The following TPRG1 variants were observed in gnomAD, a reference collection of about 807,000 sequenced individuals.
The protein encoded by TPRG1 is tumor protein p63-regulated gene 1 protein.
Under a neutral mutation model 29.3 loss-of-function variants are expected in TPRG1, and 29 were observed. The ratio of observed to expected loss-of-function variants is 0.99; its 90% CI spans 0.74 to 1.35. TPRG1 has a LOEUF of 1.35. Among genes scored for constraint, TPRG1 ranks in the 40% most tolerant of loss-of-function variants. TPRG1 has a pLI of 0.00. For missense variants in TPRG1, 327 were observed against 335.0 expected (o/e 0.98, Z 0.19); for synonymous variants, 130 against 116.8 (o/e 1.11, Z -0.73).
chr3:189,287,219 T>C (rs2109175874), intron 4 of TPRG1, among the ~76,000 whole-genome samples: 1 of 152,158 alleles, frequency 6.6e-6, no homozygotes, highest in Admixed American at 6.6e-5. Flanking sequence ...CAGTGACGCT[T>C]TGCCTTTTAC....
At chr3:189,115,968 C>CA (rs762214007) in intron 1 of TPRG1, among the ~76,000 whole-genome samples, 5 of 151,994 alleles carry the variant, frequency 3.3e-5, no homozygotes, top group South Asian at 4.2e-4. Flanking sequence ...TGGCTACTAT[C>CA]AAAAAAACAG....
At chr3:189,004,085 T>C (rs1386403183) in intron 2 of TPRG1, among the ~76,000 whole-genome samples, 1 of 152,058 alleles carries the variant, frequency 6.6e-6, no homozygotes, top group East Asian at 1.9e-4. Flanking sequence ...AAAGACAAAA[T>C]GTTTGGATGA....
intron 1 of TPRG1, among the ~76,000 whole-genome samples, chr3:189,118,400 A>G (rs1432318218): frequency 6.6e-6 from 1 of 152,216 alleles, no homozygotes; most frequent in Non-Finnish European, 1.5e-5. Context: ...TAGAAAAGAA[A>G]ACCCCATTTT....
At chr3:189,266,400 G>A (rs1714089995) in intron 4 of TPRG1, among the ~76,000 whole-genome samples, 1 of 152,172 alleles carries the variant, frequency 6.6e-6, no homozygotes. Flanking sequence ...ACTACAGTCT[G>A]TACTGTAAGT....
At chr3:189,090,374 A>C (rs1343973690) in intron 4 of TPRG1, among the ~76,000 whole-genome samples, 4 of 152,112 alleles carry the variant, frequency 2.6e-5, no homozygotes, top group African/African-American at 9.7e-5. Flanking sequence ...TTTTTGCTTC[A>C]TAGCAGGCTG....
At chr3:189,097,923 C>T (rs578122784), upstream of TPRG1, among the ~76,000 whole-genome samples, 11 of 152,298 alleles carry the variant, frequency 7.2e-5, no homozygotes, top group African/African-American at 2.2e-4. Flanking sequence ...CCCCCCTTTA[C>T]GTAGTCATCT....
chr3:189,078,097 CTT>C (rs61029218), intron 4 of TPRG1, among the ~76,000 whole-genome samples: 4,297 of 52,202 alleles, frequency 0.082, 228 homozygotes, highest in East Asian at 0.33. Context: ...TTCTCTCTTT[CTT>C]TCTTTCTTTC....
intron 3 of TPRG1, among the ~76,000 whole-genome samples, chr3:189,012,447 C>T (rs942517205): frequency 1.1e-4 from 17 of 152,096 alleles, no homozygotes; most frequent in African/African-American, 2.9e-4. Flanking sequence ...GTATGCTGAA[C>T]GAGTCTTGCA....
At chr3:189,250,743 TGTTTAAAAAAAAAAAAAAAAAAAAGCA>T (rs1742104437) in intron 4 of TPRG1, among the ~76,000 whole-genome samples, 1 of 124,322 alleles carries the variant, frequency 8.0e-6, no homozygotes. Context: ...CAAATTCCCT[TGTTTAAAAAAAAAAAAAAAAAAAAGCA>T]ATGATTTAAT....
At chr3:189,203,097 C>T (rs949772558) in intron 1 of TPRG1, among the ~76,000 whole-genome samples, 1 of 152,064 alleles carries the variant, frequency 6.6e-6, no homozygotes, top group African/African-American at 2.4e-5. Flanking sequence ...TAAACAATAA[C>T]TTTTAAGCTA....
intron 1 of TPRG1, among the ~76,000 whole-genome samples, chr3:189,178,446 T>C (rs1192164887): frequency 6.6e-6 from 1 of 152,178 alleles, no homozygotes; most frequent in East Asian, 1.9e-4. Context: ...CTAGAATTGC[T>C]TGAACCCGGG....
intron 1 of TPRG1, among the ~76,000 whole-genome samples, chr3:189,114,790 G>T (rs1231964191): frequency 1.3e-5 from 2 of 152,124 alleles, no homozygotes; most frequent in African/African-American, 2.4e-5. Context: ...GTGGGTAATA[G>T]AAATGCTATA....
chr3:189,018,337 T>A (rs1047314554), intron 3 of TPRG1, among the ~76,000 whole-genome samples: 1 of 150,482 alleles, frequency 6.6e-6, no homozygotes, highest in Admixed American at 6.7e-5. Context: ...ATGCCTAGGT[T>A]TTCTTCTGGG....
upstream of TPRG1, among the ~76,000 whole-genome samples, chr3:189,095,532 C>T (rs59902523): frequency 0.093 from 14,101 of 152,216 alleles, 828 homozygotes; most frequent in African/African-American, 0.17. Flanking sequence ...AGTCTCCGTT[C>T]TTTAAAAATC....
intron 2 of TPRG1, among the ~76,000 whole-genome samples, chr3:189,128,939 T>A (rs1253948834): frequency 6.6e-6 from 1 of 152,104 alleles, no homozygotes. Context: ...CCGGCCCAAC[T>A]CAGTTATCTT....
Position 189,116,517 on chromosome 3 carries a change from T to C in TPRG1, c.-743-10540T>C, listed in dbSNP as rs1721195640. 2.6e-5 allele frequency among the ~76,000 whole-genome samples: 4 copies of C among 152,192 alleles called. No homozygotes were observed. In the South Asian group the frequency reaches 8.3e-4, roughly 32 times the overall value. ...ACACCCATATTCATAGCAGCATTAT[T>C]CACAGTAGCCAAAAGGTAGAAGTAA... is the stretch of plus-strand genomic sequence containing the variant. On this transcript the variant is annotated intron_variant, in intron 1 of 6. Coordinates refer to the TPRG1 transcript ENST00000412373.
At chr3:189,096,187 C>T (rs552580158), upstream of TPRG1, among the ~76,000 whole-genome samples, 2 of 152,240 alleles carry the variant, frequency 1.3e-5, no homozygotes, top group African/African-American at 4.8e-5. Flanking sequence ...AATGCTTGCT[C>T]TCCACTCAGT....
chr3:189,080,156 ACTT>A (rs1362082900), intron 4 of TPRG1, among the ~76,000 whole-genome samples: 1 of 152,228 alleles, frequency 6.6e-6, no homozygotes, highest in Admixed American at 6.5e-5. Flanking sequence ...TCTAGTTCAA[ACTT>A]CTTTTAAGTT....
intron 5 of TPRG1, among the ~76,000 whole-genome samples, chr3:189,157,023 T>A (rs1168960468): frequency 2.0e-5 from 3 of 152,192 alleles, no homozygotes; most frequent in Non-Finnish European, 4.4e-5. Context: ...TCAAAGAAGC[T>A]ATGCCAGGGA....
Sources: gnomAD v4.1 joint callset for allele counts (sites outside exome capture counted in the v4.1 genomes callset) on GRCh38, gnomAD v4.1.1 for gene constraint, MANE v1.5 for transcripts, NCBI Gene and HGNC (gene_info 2026-07-23, HGNC 2026-07-21) for gene names.